LRRFIP1: variants seen among roughly 807,000 people sequenced by gnomAD.
The protein encoded by LRRFIP1 is leucine-rich repeat flightless-interacting protein 1.
In LRRFIP1, 62 loss-of-function variants were observed where a neutral mutation model predicts 104.4. The ratio of observed to expected loss-of-function variants is 0.59; its 90% CI spans 0.48 to 0.73. The LOEUF is 0.73. LRRFIP1 is among the 30% of genes least tolerant of loss of function. The probability of loss-of-function intolerance (pLI) is 0.00; values close to 1 mark genes in which losing one functional copy is unlikely to be tolerated. For missense variants in LRRFIP1, 796 were observed against 824.5 expected (o/e 0.97, Z 0.42); for synonymous variants, 300 against 299.0 (o/e 1.00, Z -0.03).
intron 20 of LRRFIP1, 45 bp downstream of exon 20, chr2:237,770,037 T>C (rs2060488049): frequency 6.9e-7 from 1 of 1,442,130 alleles, no homozygotes; most frequent in East Asian, 2.3e-5. Flanking sequence ...ACAGGGCACC[T>C]GAAACCACCT....
At chr2:237,751,361 A>C (rs1425948870) in intron 14 of LRRFIP1, 90 bp downstream of exon 14, 1 of 1,052,278 alleles carries the variant, frequency 9.5e-7, no homozygotes, top group African/African-American at 1.6e-5. Context: ...TTCAAAGTGC[A>C]TGCTTACTGT....
chr2:237,693,079 T>G (rs573621075), intron 1 of LRRFIP1, among the ~76,000 whole-genome samples: 281 of 152,368 alleles, frequency 1.8e-3, no homozygotes, highest in African/African-American at 5.9e-3. Context: ...TTTGCCGTTG[T>G]CCAGCTCAAT....
At chr2:237,680,670 G>A (rs1030213957) in intron 1 of LRRFIP1, among the ~76,000 whole-genome samples, 1 of 152,206 alleles carries the variant, frequency 6.6e-6, no homozygotes, top group Non-Finnish European at 1.5e-5. Context: ...TAGAGGGGAA[G>A]GTTGGTTGAA....
intron 1 of LRRFIP1, among the ~76,000 whole-genome samples, chr2:237,699,662 T>C (rs1452079912): frequency 6.6e-6 from 1 of 152,146 alleles, no homozygotes; most frequent in East Asian, 1.9e-4. Context: ...AAAACAGTGG[T>C]TTTTCTATCT....
chr2:237,704,532 G>T (rs1379091567), intron 1 of LRRFIP1, among the ~76,000 whole-genome samples: 1 of 152,182 alleles, frequency 6.6e-6, no homozygotes, highest in Non-Finnish European at 1.5e-5. Flanking sequence ...TTTTGTGTTC[G>T]TGAAGATGGT....
At chr2:237,652,755 G>A (rs1164715751) in intron 1 of LRRFIP1, among the ~76,000 whole-genome samples, 1 of 152,224 alleles carries the variant, frequency 6.6e-6, no homozygotes, top group Non-Finnish European at 1.5e-5. Context: ...GGAGGCCAAG[G>A]AGAGAGGACT....
intron 2 of LRRFIP1, among the ~76,000 whole-genome samples, chr2:237,709,730 G>A (rs1217741472): frequency 6.6e-6 from 1 of 152,188 alleles, no homozygotes; most frequent in Non-Finnish European, 1.5e-5. Context: ...GCAGAGGCTA[G>A]GCAGTGTCAC....
intron 19 of LRRFIP1, chr2:237,764,181 T>C (rs1226755992): frequency 1.2e-6 from 2 of 1,613,850 alleles, no homozygotes; most frequent in African/African-American, 1.3e-5. Context: ...GAAGTCTCAG[T>C]GTGAAGGGGT....
rs754691572 is a variant in LRRFIP1, at chr2:237,779,676, T to G, written c.*144T>G. On this transcript the variant is annotated 3_prime_UTR_variant, in exon 24 of 24. Coordinates refer to ENST00000308482, the MANE Select transcript of LRRFIP1 (RefSeq NM_001137550.2). Reference sequence around the variant, plus strand: ...CGAGCTTGGCGCTTAGGGGCTCCCGTGCCATGGCTCACCCCAGGGAGCCCC... The same window carrying G: ...CGAGCTTGGCGCTTAGGGGCTCCCGGGCCATGGCTCACCCCAGGGAGCCCC... 84 of 655,910 alleles carry G rather than the reference T, an allele frequency of 1.3e-4. No individual in the cohort carries two copies. The highest frequency in any genetic ancestry group is 1.9e-4 in the Non-Finnish European group (75 of 397,034). The allele number at this position is 655,910 out of a possible 1,614,324, so 40.6% of individuals were successfully genotyped here. A position where few individuals can be genotyped will look rare whatever the true frequency, so the allele number is the denominator to read the frequency against.
At chr2:237,722,939 C>T (rs904324671) in intron 6 of LRRFIP1, among the ~76,000 whole-genome samples, 18 of 152,252 alleles carry the variant, frequency 1.2e-4, no homozygotes, top group Middle Eastern at 3.4e-3. Flanking sequence ...TATTTCTATG[C>T]GGGGCCAGTT....
chr2:237,670,361 A>C (rs894220586), intron 1 of LRRFIP1, among the ~76,000 whole-genome samples: 1 of 152,192 alleles, frequency 6.6e-6, no homozygotes, highest in Non-Finnish European at 1.5e-5. Flanking sequence ...ATGTACTAGG[A>C]GGCCCCTTCC....
chr2:237,759,665 A>G (rs1373063023), intron 18 of LRRFIP1, among the ~76,000 whole-genome samples: 1 of 152,168 alleles, frequency 6.6e-6, no homozygotes, highest in Admixed American at 6.5e-5. Context: ...GAACATGTAT[A>G]TATTTCTTTC....
chr2:237,686,039 C>G (rs894201203), intron 1 of LRRFIP1, among the ~76,000 whole-genome samples: 3 of 152,222 alleles, frequency 2.0e-5, no homozygotes, highest in Non-Finnish European at 4.4e-5. Context: ...TACCCCTTCT[C>G]TGTCTTGACT....
chr2:237,770,868 C>A (rs1227263720), intron 20 of LRRFIP1: 1 of 152,194 alleles, frequency 6.6e-6, no homozygotes, highest in Non-Finnish European at 1.5e-5. Context: ...CACTCTACAA[C>A]CACTTTCCTC....
intron 1 of LRRFIP1, among the ~76,000 whole-genome samples, chr2:237,655,729 A>G (rs2086707798): frequency 6.6e-6 from 1 of 152,236 alleles, no homozygotes; most frequent in African/African-American, 2.4e-5. Flanking sequence ...AGTTCTCTGT[A>G]TTCTCTGTAG....
At chr2:237,631,476 C>T (rs939791607) in intron 1 of LRRFIP1, among the ~76,000 whole-genome samples, 10 of 152,202 alleles carry the variant, frequency 6.6e-5, no homozygotes, top group African/African-American at 1.4e-4. Flanking sequence ...GCTGTATTAT[C>T]GCAAGTCAAT....
chr2:237,703,289 A>G lies in LRRFIP1; in HGVS notation c.97-5255A>G, dbSNP rs1187409623. 6.6e-6 allele frequency among the ~76,000 whole-genome samples: 1 copy of G among 152,068 alleles called. No individual in the cohort carries two copies. The highest frequency in any genetic ancestry group is 1.5e-5 in the Non-Finnish European group (1 of 68,008). On this transcript the variant is annotated intron_variant, in intron 1 of 23. Transcript: ENST00000308482. This position sits in a 1 kb window ranked among gnomAD's most constrained non-coding sequence, Gnocchi z 4.3. ...GGCCCGAACCCTGGCACTGAGCTTG[A>G]TCCGCTGCAGCCCAGCCCGTTCCTG...
At position 237,752,276 on chromosome 2, in the gene LRRFIP1, C is replaced by T. The variant is rs1001814277; in HGVS notation, c.867+1005C>T. Among the ~76,000 whole-genome samples the T allele has an allele frequency of 4.6e-5, 7 of 152,228 alleles. No individual in the cohort carries two copies. In the East Asian group the frequency reaches 7.7e-4, roughly 17 times the overall value. ...TAAAAATTAGCCAGGTGTGGTGGTG[C>T]GCACCTGTAATCCCAGCTACTTGGG... On this transcript the variant is annotated intron_variant, in intron 14 of 23. Transcript: ENST00000308482.
chr2:237,646,034 G>T (rs1406937608), intron 1 of LRRFIP1, among the ~76,000 whole-genome samples: 1 of 151,888 alleles, frequency 6.6e-6, no homozygotes, highest in East Asian at 1.9e-4. Flanking sequence ...CAACAACAGA[G>T]CCCGTGGTAG....
Sources: gnomAD v4.1 joint callset for allele counts (sites outside exome capture counted in the v4.1 genomes callset) on GRCh38, gnomAD v4.1.1 for gene constraint, Gnocchi (gnomAD v3.1) non-coding constraint, MANE v1.5 for transcripts, NCBI Gene and HGNC (gene_info 2026-07-23, HGNC 2026-07-21) for gene names.